MMEL1: variants seen among roughly 807,000 people sequenced by gnomAD.
MMEL1 encodes the protein membrane metalloendopeptidase like 1, also known as membrane metallo-endopeptidase-like 1.
A neutral mutation model predicts 117.1 loss-of-function variants in MMEL1; 98 were observed. The ratio of observed to expected loss-of-function variants is 0.84; its 90% confidence interval spans 0.71 to 0.99. The LOEUF (loss-of-function observed/expected upper bound fraction) is 0.99. Among genes scored for constraint, MMEL1 ranks in the 50% least tolerant of loss-of-function variants. MMEL1 has a pLI of 0.00. For synonymous variants in MMEL1, 390 were observed against 415.1 expected, an observed-to-expected ratio of 0.94 and a Z score of 0.74; for missense variants, 1,014 against 1,049.1, an observed-to-expected ratio of 0.97 and a Z score of 0.46.
chr1:2,610,565 C>G (rs763296296), intron 4 of MMEL1, among the ~76,000 whole-genome samples: 1 of 152,208 alleles, frequency 6.6e-6, no homozygotes, highest in African/African-American at 2.4e-5. Context: ...CCTCACTCAT[C>G]AGTGTGCTTG....
rs753457350 is a variant in MMEL1, at chr1:2,592,882, A to T, written c.1952T>A (p.Met651Lys). 5 of 1,613,684 alleles carry T rather than the reference A, an allele frequency of 3.1e-6. No homozygotes were observed. Among genetic ancestry groups the T allele is most frequent in the Non-Finnish European group, 3.4e-6 (4 of 1,179,908 alleles). The change falls in exon 20 of 24, where the codon ATG (methionine) becomes AAG (lysine). Residue 651 changes from methionine to lysine, a missense_variant. By Grantham distance (95) the Met-to-Lys change is moderately conservative. Transcript: ENST00000378412. ...GGAGTAGTTGCCGTACTGGTAGATCATGCACTCTGACTGCTCCCGGAAGTG... is the reference window on the plus strand; with the variant it reads ...GGAGTAGTTGCCGTACTGGTAGATCTTGCACTCTGACTGCTCCCGGAAGTG... ...TQHFREQSEC[M>K]IYQYGNYSWD...
In MMEL1 at chr1:2,591,195, C is replaced by T. The variant is rs527665070; in HGVS notation, c.2241-106G>A. 22 of 723,334 alleles carry T rather than the reference C, an allele frequency of 3.0e-5. No homozygotes were observed. The South Asian group carries it at 3.8e-4, about 12-fold the overall frequency. 44.8% of individuals were successfully genotyped at this position (723,334 alleles called of 1,614,324 possible). On this transcript the variant is annotated intron_variant, in intron 23 of 23. Transcript: ENST00000378412. ...CCAGCCCAAAACATCAGCCTAATGGCTCATGTCAGTATGAGCAGAAACATT... is the reference window on the plus strand; with the variant it reads ...CCAGCCCAAAACATCAGCCTAATGGTTCATGTCAGTATGAGCAGAAACATT...
At chr1:2,603,851 C>A (rs536360826) in intron 11 of MMEL1, 33 bp downstream of exon 11, 2 of 1,602,110 alleles carry the variant, frequency 1.2e-6, no homozygotes, top group Non-Finnish European at 1.7e-6. Context: ...CTCCACCCGG[C>A]CAGTGCCGGC....
At chr1:2,591,859 G>A (rs1185325823) in intron 22 of MMEL1, 73 bp downstream of exon 22, 1 of 1,443,436 alleles carries the variant, frequency 6.9e-7, no homozygotes, top group East Asian at 2.3e-5. Flanking sequence ...GTCCCTGGAG[G>A]TGCCCCAGAG....
chr1:2,606,704 G>C lies in MMEL1; in HGVS notation c.631+270C>G, dbSNP rs541023381. Among the ~76,000 whole-genome samples, 249 of 152,280 alleles carry C rather than the reference G, an allele frequency of 1.6e-3. 1 individual carries two copies. The highest frequency in any genetic ancestry group is 5.7e-3 in the African/African-American group (238 of 41,568). ...CCTGGCCGGAGCCTGGCTGGGGCCTGAGTGTCGAGCGCTCCTAGGGGCCGA... is the reference window on the plus strand; with the variant it reads ...CCTGGCCGGAGCCTGGCTGGGGCCTCAGTGTCGAGCGCTCCTAGGGGCCGA... On this transcript the variant is annotated intron_variant, in intron 7 of 23. Transcript: ENST00000378412.
rs1196662172 is a variant in MMEL1 at position 2,629,487 on chromosome 1, G to A, written c.-3C>T. Reference sequence around the variant, plus strand: ...ACTGGGCCTTCGGACTTCCCCATCAGCAGGGCTCTGGACGGGAGAGCACCG... The same window carrying A: ...ACTGGGCCTTCGGACTTCCCCATCAACAGGGCTCTGGACGGGAGAGCACCG... On this transcript the variant is annotated 5_prime_UTR_variant, in exon 2 of 24. Transcript: ENST00000378412. The A allele has an allele frequency of 1.3e-6, 2 of 1,503,838 alleles. No individual in the cohort carries two copies. Among genetic ancestry groups the A allele is most frequent in the Non-Finnish European group, 1.8e-6 (2 of 1,125,318 alleles). 93.2% of individuals were successfully genotyped at this position (1,503,838 alleles called of 1,614,324 possible).
rs1474199338 is a variant in MMEL1 at position 2,592,423 on chromosome 1, C to T, written c.2067+232G>A. Among the ~76,000 whole-genome samples the T allele has an allele frequency of 4.3e-4, 14 of 32,842 alleles. No homozygotes were observed. The African/African-American group carries it at 4.5e-3, about 11-fold the overall frequency. The allele number at this position is 32,842 out of a possible 152,430, so 21.5% of individuals were successfully genotyped here. The stretch of plus-strand genomic sequence containing the variant: ...GATGCCCCCTCCCCTGATGCACTGG[C>T]GCCCCCTCCCCTGCCATGCTGACGC... On this transcript the variant is annotated intron_variant, in intron 21 of 23. Coordinates refer to ENST00000378412, the MANE Select transcript of MMEL1 (RefSeq NM_033467.4).
chr1:2,629,298 G>A (rs755283582), intron 2 of MMEL1, 33 bp downstream of exon 2: 27 of 1,510,130 alleles, frequency 1.8e-5, no homozygotes, highest in Middle Eastern at 2.2e-4. Flanking sequence ...GAGCGGGCAC[G>A]GGGACAGGCG....
chr1:2,592,652 C>T lies in MMEL1; in HGVS notation c.2067+3G>A, dbSNP rs754033011. The T allele has an allele frequency of 6.9e-6, 11 of 1,585,480 alleles. No individual in the cohort carries two copies. The South Asian group carries it at 8.0e-5, about 12-fold the overall frequency. ...TGACGCCCCCTCCCCTGCCAGGCCC[C>T]ACCTTATAGGCTTGCCGCACCCCTC... On this transcript the variant is annotated splice_donor_region_variant and intron_variant, in intron 21 of 23. Coordinates refer to ENST00000378412, the MANE Select transcript of MMEL1 (RefSeq NM_033467.4).
chr1:2,618,630 T>C (rs949537548), intron 2 of MMEL1, among the ~76,000 whole-genome samples: 3 of 152,166 alleles, frequency 2.0e-5, no homozygotes, highest in African/African-American at 7.2e-5. Context: ...CAGAAATGTG[T>C]GGCCAAGGAA....
chr1:2,611,845 A>G (rs1645134735), intron 3 of MMEL1, among the ~76,000 whole-genome samples: 1 of 152,150 alleles, frequency 6.6e-6, no homozygotes, highest in Non-Finnish European at 1.5e-5. Flanking sequence ...CCCTCTCTGC[A>G]TGCCCTGCCC....
At chr1:2,630,370 G>A (rs571481083) in intron 1 of MMEL1, among the ~76,000 whole-genome samples, 15 of 152,362 alleles carry the variant, frequency 9.8e-5, no homozygotes, top group Non-Finnish European at 1.8e-4. Context: ...GTGTGCATAT[G>A]TTCTGATGTA....
At chr1:2,618,263 T>C (rs1645235183) in intron 2 of MMEL1, among the ~76,000 whole-genome samples, 1 of 152,106 alleles carries the variant, frequency 6.6e-6, no homozygotes, top group Non-Finnish European at 1.5e-5. Context: ...TCTCTCTCTC[T>C]CTCTCTCTTT....
At chr1:2,609,303 C>A (rs772098353) in intron 6 of MMEL1, 36 bp downstream of exon 6, 11 of 1,590,340 alleles carry the variant, frequency 6.9e-6, no homozygotes, top group Middle Eastern at 1.7e-4. Context: ...CGCCCCCGTC[C>A]CCTGCCTCGG....
rs1000214335 is a variant in MMEL1, at chr1:2,612,817, G to C, written c.155-613C>G. ...CAACTGCCTGGAGAGATGTATGGGA[G>C]AGGAGGGTGGGATGGAGAGAAGAGG... On this transcript the variant is annotated intron_variant, in intron 2 of 23. Coordinates refer to ENST00000378412, the MANE Select transcript of MMEL1 (RefSeq NM_033467.4). This position sits in a 1 kb window ranked among gnomAD's most constrained non-coding sequence, Gnocchi z 5.4. Among the ~76,000 whole-genome samples, 3 of 152,202 alleles carry C rather than the reference G, an allele frequency of 2.0e-5. No individual in the cohort carries two copies. Among genetic ancestry groups the C allele is most frequent in the African/African-American group, 7.2e-5 (3 of 41,436 alleles).
chr1:2,609,357 G>C lies in MMEL1; in HGVS notation c.517C>G (p.Arg173Gly). 6.2e-7 allele frequency: 1 copy of C among 1,611,758 alleles called. No individual in the cohort carries two copies. Residue 173 changes from arginine to glycine, a missense_variant, in exon 6 of 24, where the codon CGC (arginine) becomes GGC (glycine). By Grantham distance (125) the Arg-to-Gly change is moderately radical (BLOSUM62 -2). Coordinates refer to ENST00000378412, the MANE Select transcript of MMEL1 (RefSeq NM_033467.4). ...PAVEKARTLY[R>G]SCMNQSVIEK... ...CACTCACTCTGGTTCATGCAGGAGCGGTACAGCGTCCTGGCCTTCTCCACA... is the reference window on the plus strand; with the variant it reads ...CACTCACTCTGGTTCATGCAGGAGCCGTACAGCGTCCTGGCCTTCTCCACA...
At chr1:2,598,048 C>T (rs544833756) in intron 13 of MMEL1, among the ~76,000 whole-genome samples, 159 bp downstream of exon 13, 1 of 152,380 alleles carries the variant, frequency 6.6e-6, no homozygotes, top group African/African-American at 2.4e-5. Flanking sequence ...GCCTTGTTGA[C>T]TGTCATGGTC....
intron 19 of MMEL1, among the ~76,000 whole-genome samples, 162 bp downstream of exon 19, chr1:2,593,652 T>C (rs1279191478): frequency 6.6e-6 from 1 of 152,192 alleles, no homozygotes; most frequent in Non-Finnish European, 1.5e-5. Context: ...GGCCCCAGCC[T>C]GGCATTCAAA....
chr1:2,596,486 G>A, intron 14 of MMEL1, 75 bp downstream of exon 14: 4 of 1,557,538 alleles, frequency 2.6e-6, no homozygotes, highest in Non-Finnish European at 3.5e-6. Flanking sequence ...GGCGGGGTGG[G>A]AGTCTCAGGG....
Sources: gnomAD v4.1 joint callset for allele counts (sites outside exome capture counted in the v4.1 genomes callset) on GRCh38, gnomAD v4.1.1 for gene constraint, Gnocchi (gnomAD v3.1) non-coding constraint, MANE v1.5 for transcripts, NCBI Gene and HGNC (gene_info 2026-07-23, HGNC 2026-07-21) for gene names.